Variants in MARCHF7 observed in about 807,000 individuals in gnomAD.
MARCHF7 encodes membrane associated ring-CH-type finger 7.
MARCHF7 carries 20 observed loss-of-function variants against 76.5 expected under a neutral mutation model. The ratio of observed to expected loss-of-function variants is 0.26; its 90% CI spans 0.18 to 0.38. MARCHF7 has a LOEUF of 0.38. Among genes scored for constraint, MARCHF7 ranks in the 10% least tolerant of loss-of-function variants. The pLI is 1.00. For synonymous variants in MARCHF7, 295 were observed against 293.0 expected, an observed-to-expected ratio of 1.01 and a Z score of -0.07; for missense variants, 797 against 812.9, an observed-to-expected ratio of 0.98 and a Z score of 0.24.
At chr2:159,744,427 GAC>G (rs1560011838) in intron 5 of MARCHF7, among the ~76,000 whole-genome samples, 1 of 152,130 alleles carries the variant, frequency 6.6e-6, no homozygotes, top group Non-Finnish European at 1.5e-5. Context: ...TATGTACTGA[GAC>G]ACATATTTTT....
At chr2:159,746,485 T>C (rs531188892) in intron 6 of MARCHF7, among the ~76,000 whole-genome samples, 2 of 152,378 alleles carry the variant, frequency 1.3e-5, no homozygotes, top group Admixed American at 1.3e-4. Flanking sequence ...CACTGCAGCC[T>C]TCGCCTCCTG....
At chr2:159,739,828 A>T (rs1703917572) in intron 4 of MARCHF7, among the ~76,000 whole-genome samples, 1 of 152,140 alleles carries the variant, frequency 6.6e-6, no homozygotes, top group African/African-American at 2.4e-5. Flanking sequence ...CTATATGCTG[A>T]TATTAACAAA....
intron 3 of MARCHF7, among the ~76,000 whole-genome samples, chr2:159,722,394 A>G (rs1422945227): frequency 6.6e-6 from 1 of 152,176 alleles, no homozygotes; most frequent in South Asian, 2.1e-4. Flanking sequence ...TCGGCCTCCC[A>G]AAGTGCAGAG....
At chr2:159,720,772 A>T (rs1701548178) in intron 3 of MARCHF7, among the ~76,000 whole-genome samples, 2 of 152,168 alleles carry the variant, frequency 1.3e-5, no homozygotes, top group Admixed American at 1.3e-4. Flanking sequence ...CAAATTCAGG[A>T]TTTGAACTTC....
At chr2:159,738,554 C>T (rs1336312932) in intron 4 of MARCHF7, among the ~76,000 whole-genome samples, 1 of 152,062 alleles carries the variant, frequency 6.6e-6, no homozygotes, top group African/African-American at 2.4e-5. Context: ...GTGGGTGGCT[C>T]CTTTCCACAG....
intron 6 of MARCHF7, among the ~76,000 whole-genome samples, chr2:159,746,417 C>T (rs1230254614): frequency 1.3e-5 from 2 of 152,090 alleles, no homozygotes; most frequent in Non-Finnish European, 2.9e-5. Flanking sequence ...TTTGTTTGTT[C>T]TGAGATGGAG....
intron 1 of MARCHF7, among the ~76,000 whole-genome samples, chr2:159,713,756 A>G (rs911601736): frequency 3.9e-5 from 6 of 152,202 alleles, no homozygotes; most frequent in African/African-American, 1.4e-4. Context: ...TGCATGAGGC[A>G]GTAGCACCAG....
chr2:159,766,467 C>G (rs1707773656), intron 11 of MARCHF7, among the ~76,000 whole-genome samples: 1 of 152,102 alleles, frequency 6.6e-6, no homozygotes, highest in South Asian at 2.1e-4. Flanking sequence ...CCGTTTTGCC[C>G]TATAATGGGG....
In MARCHF7 at chr2:159,769,794, T is replaced by C. The variant is rs528250617; in HGVS notation, c.*2452T>C. Reference sequence around the variant, plus strand: ...TATCAAAATGTACAAAAGAAAGTTGTATGGGAGTTGAGTGGAAGGTAGGAT... The same window carrying C: ...TATCAAAATGTACAAAAGAAAGTTGCATGGGAGTTGAGTGGAAGGTAGGAT... On this transcript the variant is annotated 3_prime_UTR_variant, in exon 12 of 12. Coordinates refer to ENST00000409175, the MANE Select transcript of MARCHF7 (RefSeq NM_001282805.2). The C allele has an allele frequency of 1.1e-4, 16 of 152,228 alleles. No individual in the cohort carries two copies. Among genetic ancestry groups the C allele is most frequent in the African/African-American group, 3.9e-4 (16 of 41,534 alleles). The allele number at this position is 152,228 out of a possible 1,614,324, so 9.4% of individuals were successfully genotyped here.
chr2:159,729,013 A>T lies in MARCHF7; in HGVS notation c.-10A>T. The T allele has an allele frequency of 6.5e-7, 1 of 1,544,224 alleles. No homozygotes were observed. The highest frequency in any genetic ancestry group is 8.7e-7 in the Non-Finnish European group (1 of 1,150,674). On this transcript the variant is annotated 5_prime_UTR_variant, in exon 4 of 12. Transcript: ENST00000409175. The stretch of plus-strand genomic sequence containing the variant: ...ATGAAAATTTTTATTTCACAGAAAA[A>T]TCTTTAAGAATGGAGTCTAAACCTT...
chr2:159,766,979 A>G (rs576878852), intron 11 of MARCHF7, among the ~76,000 whole-genome samples: 20 of 152,288 alleles, frequency 1.3e-4, no homozygotes, highest in Admixed American at 7.8e-4. Flanking sequence ...ATTAGCTACT[A>G]TGAACACAGA....
intron 9 of MARCHF7, among the ~76,000 whole-genome samples, chr2:159,760,843 T>C (rs1268605296): frequency 6.6e-6 from 1 of 152,104 alleles, no homozygotes; most frequent in Non-Finnish European, 1.5e-5. Context: ...TTAGGAAATA[T>C]TAGGTGGAGT....
chr2:159,727,393 C>T (rs1054064764), intron 3 of MARCHF7, among the ~76,000 whole-genome samples: 5 of 152,286 alleles, frequency 3.3e-5, no homozygotes, highest in East Asian at 1.9e-4. Flanking sequence ...CGAGACCATC[C>T]TGGTTAACAT....
At chr2:159,732,111 A>AT (rs1702878191) in intron 4 of MARCHF7, among the ~76,000 whole-genome samples, 1 of 150,914 alleles carries the variant, frequency 6.6e-6, no homozygotes, top group Non-Finnish European at 1.5e-5. Flanking sequence ...CTCAAAAAAA[A>AT]CAAAAAACAA....
In MARCHF7 at chr2:159,748,233, T is replaced by C. The variant is rs759396872; in HGVS notation, c.943T>C (p.Tyr315His). ...AAGATCATTGAATTCTGAAAATTCT[T>C]ACGTTTCTCCAAGAATCTTGACAGC... ...NTRSLNSENSYVSPRILTASQ... is the reference protein window; with the variant it reads ...NTRSLNSENSHVSPRILTASQ... Residue 315 changes from tyrosine to histidine, a missense_variant, in exon 7 of 12, where the codon TAC (tyrosine) becomes CAC (histidine). Coordinates refer to ENST00000409175, the MANE Select transcript of MARCHF7 (RefSeq NM_001282805.2). 1.2e-6 allele frequency: 2 copies of C among 1,613,962 alleles called. No homozygotes were observed. Among genetic ancestry groups the C allele is most frequent in the Non-Finnish European group, 1.7e-6 (2 of 1,180,024 alleles).
intron 7 of MARCHF7, among the ~76,000 whole-genome samples, chr2:159,751,704 T>G (rs768157073): frequency 5.3e-5 from 8 of 152,224 alleles, no homozygotes; most frequent in Non-Finnish European, 1.0e-4. Flanking sequence ...TAACAACTAC[T>G]TACCTTATTA....
intron 4 of MARCHF7, among the ~76,000 whole-genome samples, chr2:159,729,823 C>T (rs1702574978): frequency 6.6e-6 from 1 of 152,214 alleles, no homozygotes; most frequent in Non-Finnish European, 1.5e-5. Flanking sequence ...ACTGATTCAT[C>T]TGACTTTTCT....
intron 9 of MARCHF7, among the ~76,000 whole-genome samples, chr2:159,759,952 A>G (rs936324033): frequency 1.3e-5 from 2 of 152,166 alleles, no homozygotes; most frequent in Non-Finnish European, 2.9e-5. Context: ...AAACAAAAAC[A>G]CTTTTTAAAT....
chr2:159,749,904 T>C (rs2125616684), intron 7 of MARCHF7, among the ~76,000 whole-genome samples: 1 of 152,300 alleles, frequency 6.6e-6, no homozygotes, highest in South Asian at 2.1e-4. Flanking sequence ...TACCAATAAA[T>C]CTGTCTTAGC....
Sources: allele counts gnomAD v4.1 joint callset (sites outside exome capture counted in the v4.1 genomes callset), GRCh38; gene constraint gnomAD v4.1.1; transcripts MANE v1.5; gene names NCBI Gene and HGNC (gene_info 2026-07-23, HGNC 2026-07-21).